The following CEP112 variants were observed in gnomAD, a reference collection of about 807,000 sequenced individuals.
CEP112 encodes centrosomal protein 112.
In CEP112, 127 loss-of-function variants were observed where a neutral mutation model predicts 153.0. The ratio of observed to expected loss-of-function variants is 0.83; its 90% confidence interval spans 0.72 to 0.96. The LOEUF (loss-of-function observed/expected upper bound fraction) is 0.96, where lower values mean the gene tolerates loss of function less well. CEP112 is among the 40% of genes least tolerant of loss of function. The pLI, the probability that CEP112 is intolerant of heterozygous loss-of-function variation, is 0.00. For synonymous variants in CEP112, 358 were observed against 374.4 expected, an observed-to-expected ratio of 0.96 and a Z score of 0.51; for missense variants, 1,089 against 1,101.2, an observed-to-expected ratio of 0.99 and a Z score of 0.16.
rs534267708 is a variant in CEP112, at chr17:65,968,363, C to T, written c.1737-6765G>A. On this transcript the variant is annotated intron_variant, in intron 17 of 26. Coordinates refer to ENST00000535342, the MANE Select transcript of CEP112 (RefSeq NM_001199165.4). ...TCAAAGTAACTGGAAAATATTCTCA[C>T]TTACATTCATCACTATGCACAAATA... Among the ~76,000 whole-genome samples the T allele has an allele frequency of 2.6e-5, 4 of 152,270 alleles. No individual in the cohort carries two copies. The South Asian group carries it at 8.3e-4, about 32-fold the overall frequency.
chr17:65,794,147 G>A (rs1409999802), intron 21 of CEP112, among the ~76,000 whole-genome samples: 1 of 152,094 alleles, frequency 6.6e-6, no homozygotes, highest in Non-Finnish European at 1.5e-5. Flanking sequence ...ACTCCGATGG[G>A]GAGTAATAAA....
At chr17:65,714,831 A>G (rs2049404699) in intron 23 of CEP112, among the ~76,000 whole-genome samples, 1 of 152,186 alleles carries the variant, frequency 6.6e-6, no homozygotes. Flanking sequence ...GATGATGTTT[A>G]GGGCACATGT....
At position 65,727,182 on chromosome 17, in the gene CEP112, G is replaced by A. The variant is rs953253837; in HGVS notation, c.2607+15886C>T. On this transcript the variant is annotated intron_variant, in intron 23 of 26. Transcript: ENST00000535342. ...TTCAAAATGAAAACTTATACTGGTC[G>A]GGTGGCAGTCAGTCTCTTCAAAACT... Among the ~76,000 whole-genome samples, 3 of 152,170 alleles carry A rather than the reference G, an allele frequency of 2.0e-5. No homozygotes were observed. The East Asian group carries it at 5.8e-4, about 29-fold the overall frequency.
chr17:65,994,669 GA>G (rs1364936789), intron 17 of CEP112, among the ~76,000 whole-genome samples: 1 of 152,108 alleles, frequency 6.6e-6, no homozygotes, highest in Non-Finnish European at 1.5e-5. Flanking sequence ...ACAACGTACA[GA>G]AAAATAGTTC....
chr17:65,734,772 G>A (rs2145051197), intron 23 of CEP112, among the ~76,000 whole-genome samples: 1 of 152,280 alleles, frequency 6.6e-6, no homozygotes, highest in East Asian at 1.9e-4. Flanking sequence ...GAGTATTTTA[G>A]CAGCCTTTTT....
chr17:66,148,268 T>C (rs763635375), intron 4 of CEP112, among the ~76,000 whole-genome samples: 1 of 152,194 alleles, frequency 6.6e-6, no homozygotes, highest in Non-Finnish European at 1.5e-5. Context: ...ACAGCCATGA[T>C]TCAATTATCT....
At chr17:66,045,541 G>C (rs2066168546) in intron 12 of CEP112, among the ~76,000 whole-genome samples, 1 of 152,110 alleles carries the variant, frequency 6.6e-6, no homozygotes, top group African/African-American at 2.4e-5. Context: ...CAAATTGTGG[G>C]TCTCAATCCA....
chr17:65,735,018 G>GTT (rs1311008079), intron 23 of CEP112, among the ~76,000 whole-genome samples: 1 of 152,106 alleles, frequency 6.6e-6, no homozygotes, highest in Non-Finnish European at 1.5e-5. Context: ...TCTTCCAAAT[G>GTT]TTGATACACT....
chr17:66,041,525 T>C (rs1303578876), intron 12 of CEP112, among the ~76,000 whole-genome samples: 2 of 152,180 alleles, frequency 1.3e-5, no homozygotes, highest in African/African-American at 4.8e-5. Context: ...ATATACTGTA[T>C]ACACAGGTCA....
At chr17:65,966,186 C>T (rs181717341) in intron 17 of CEP112, among the ~76,000 whole-genome samples, 21 of 152,198 alleles carry the variant, frequency 1.4e-4, no homozygotes, top group African/African-American at 3.4e-4. Flanking sequence ...AAATTTTCCT[C>T]ATCTGAGTAT....
chr17:65,752,916 T>C (rs1176276922), intron 21 of CEP112, among the ~76,000 whole-genome samples: 1 of 152,204 alleles, frequency 6.6e-6, no homozygotes, highest in Admixed American at 6.5e-5. Flanking sequence ...TGCCTGAGTC[T>C]CATCTGCAGA....
chr17:66,102,267 A>G lies in CEP112; in HGVS notation c.643-5635T>C, dbSNP rs1456358966. ...GACAAGCTGTGAGAAAAAGAACTGT[A>G]AACACCTGAAAATAACACCTGATGG... On this transcript the variant is annotated intron_variant, in intron 6 of 26. Transcript: ENST00000535342. 3.9e-5 allele frequency among the ~76,000 whole-genome samples: 6 copies of G among 152,188 alleles called. No homozygotes were observed. The South Asian group carries it at 1.0e-3, about 26-fold the overall frequency.
chr17:66,175,089 G>C lies in CEP112; in HGVS notation c.425C>G (p.Ser142Cys). 6.2e-7 allele frequency: 1 copy of C among 1,612,904 alleles called. No individual in the cohort carries two copies. The highest frequency in any genetic ancestry group is 8.5e-7 in the Non-Finnish European group (1 of 1,179,472). The stretch of plus-strand genomic sequence containing the variant: ...CTGTACTAAAGTGTTATCTTCTCCA[G>C]AAGAGAGTTTCCATGATTCATTTAA... Reference protein sequence around the residue: ...HKLNESWKLSSGEDNTLVQSP... With the variant: ...HKLNESWKLSCGEDNTLVQSP... Residue 142 changes from serine to cysteine, a missense_variant, in exon 4 of 27, where the codon TCT becomes TGT. Physicochemically the swap from Ser to Cys is moderately radical, Grantham distance 112 (BLOSUM62 -1). Transcript: ENST00000535342.
chr17:65,971,029 T>A (rs2062747665), intron 17 of CEP112, among the ~76,000 whole-genome samples: 1 of 152,340 alleles, frequency 6.6e-6, no homozygotes, highest in South Asian at 2.1e-4. Context: ...TTATTGGAAA[T>A]TTTTAAGAGG....
At chr17:65,971,665 T>TGTTAC (rs2062836832) in intron 17 of CEP112, among the ~76,000 whole-genome samples, 1 of 54,920 alleles carries the variant, frequency 1.8e-5, no homozygotes, top group South Asian at 1.3e-3. Flanking sequence ...CACATGCATG[T>TGTTAC]ATGTTACATG....
At position 65,909,635 on chromosome 17, in the gene CEP112, A is replaced by C. The variant is rs186550177; in HGVS notation, c.1981-7301T>G. On this transcript the variant is annotated intron_variant, in intron 19 of 26. Coordinates refer to ENST00000535342, the MANE Select transcript of CEP112 (RefSeq NM_001199165.4). The stretch of plus-strand genomic sequence containing the variant: ...TACTTGGCACTGGAAATTCTGGGTA[A>C]AGATAATAGGGAAAACTGAAAATTG... Among the ~76,000 whole-genome samples, 204 of 152,338 alleles carry C rather than the reference A, an allele frequency of 1.3e-3. 1 individual carries two copies. Among genetic ancestry groups the C allele is most frequent in the Admixed American group, 7.3e-3 (111 of 15,298 alleles).
Position 66,024,203 on chromosome 17 carries a change from G to A in CEP112, c.1656+3298C>T, listed in dbSNP as rs1379915254. 7.2e-5 allele frequency among the ~76,000 whole-genome samples: 11 copies of A among 152,180 alleles called. No homozygotes were observed. The East Asian group carries it at 1.9e-3, about 27-fold the overall frequency. ...AAAGGATCTGTAAGGCAAACCCACA[G>A]CCAACATCACGATAAACAGGGAAAA... is the stretch of plus-strand genomic sequence containing the variant. On this transcript the variant is annotated intron_variant, in intron 16 of 26. Transcript: ENST00000535342.
At chr17:65,965,843 T>C (rs1256913902) in intron 17 of CEP112, among the ~76,000 whole-genome samples, 1 of 152,164 alleles carries the variant, frequency 6.6e-6, no homozygotes, top group Non-Finnish European at 1.5e-5. Flanking sequence ...AAATTAAATC[T>C]GTCAATTCAA....
chr17:65,840,344 C>G (rs1316058839), intron 21 of CEP112, among the ~76,000 whole-genome samples: 1 of 151,746 alleles, frequency 6.6e-6, no homozygotes, highest in Non-Finnish European at 1.5e-5. Flanking sequence ...AATAGAGAAC[C>G]CACCACACCT....
Sources: gnomAD v4.1 joint callset for allele counts (sites outside exome capture counted in the v4.1 genomes callset) on GRCh38, gnomAD v4.1.1 for gene constraint, MANE v1.5 for transcripts, NCBI Gene and HGNC (gene_info 2026-07-23, HGNC 2026-07-21) for gene names.